The following SATB1 variants were observed in gnomAD, a reference collection of about 807,000 sequenced individuals.
SATB1 encodes SATB homeobox 1.
A neutral mutation model predicts 86.9 loss-of-function variants in SATB1; 11 were observed. The observed-to-expected ratio is 0.13, with a 90% CI of 0.08 to 0.21. SATB1 has a LOEUF of 0.21. Ranked by LOEUF, SATB1 falls within the 10% of genes least tolerant of loss-of-function variation. The probability of loss-of-function intolerance (pLI) is 1.00; values close to 1 mark genes in which losing one functional copy is unlikely to be tolerated. For synonymous variants in SATB1, 357 were observed against 357.2 expected, an observed-to-expected ratio of 1.00 and a Z score of 0.01; for missense variants, 551 against 937.6, an observed-to-expected ratio of 0.59 and a Z score of 5.39.
At position 18,415,098 on chromosome 3, in the gene SATB1, C is replaced by G. The variant is rs1698045698; in HGVS notation, c.639+13G>C. Reference sequence around the variant, plus strand: ...ATGATGTCTTATTATTTATTACATTCTATGCTAAGTACCTGTGAAAGGGGG... The same window carrying G: ...ATGATGTCTTATTATTTATTACATTGTATGCTAAGTACCTGTGAAAGGGGG... On this transcript the variant is annotated intron_variant, in intron 5 of 10. Coordinates refer to ENST00000338745, the MANE Select transcript of SATB1 (RefSeq NM_002971.6). 1 of 1,612,068 alleles carries G rather than the reference C, an allele frequency of 6.2e-7. No homozygotes were observed. The highest frequency in any genetic ancestry group is 8.5e-7 in the Non-Finnish European group (1 of 1,178,782).
At chr3:18,393,344 G>C (rs1257673873) in intron 7 of SATB1, among the ~76,000 whole-genome samples, 2 of 151,944 alleles carry the variant, frequency 1.3e-5, no homozygotes, top group Non-Finnish European at 2.9e-5. Context: ...TGGTTTTGTT[G>C]TTGTTTTTTG....
chr3:18,438,243 A>C (rs981859148), intron 1 of SATB1, among the ~76,000 whole-genome samples: 2 of 152,250 alleles, frequency 1.3e-5, no homozygotes, highest in African/African-American at 4.8e-5. Flanking sequence ...AATCTCTAGC[A>C]ATCAACTCTA....
At chr3:18,385,334 C>A (rs1208768913) in intron 8 of SATB1, among the ~76,000 whole-genome samples, 2 of 152,084 alleles carry the variant, frequency 1.3e-5, no homozygotes, top group Non-Finnish European at 2.9e-5. Context: ...TAAGAAAACA[C>A]ATTTGCAGCC....
At chr3:18,370,430 T>C (rs1695412265) in intron 9 of SATB1, among the ~76,000 whole-genome samples, 1 of 129,734 alleles carries the variant, frequency 7.7e-6, no homozygotes, top group South Asian at 2.5e-4. Context: ...AAATCTCCTC[T>C]AAACAAGGCA....
rs147099189 is a variant in SATB1 at position 18,392,240 on chromosome 3, A to G, written c.1206+2222T>C. Among the ~76,000 whole-genome samples the G allele has an allele frequency of 1.4e-4, 21 of 152,288 alleles. 1 individual carries two copies. The East Asian group carries it at 3.5e-3, about 25-fold the overall frequency. On this transcript the variant is annotated intron_variant, in intron 7 of 10. Coordinates refer to ENST00000338745, the MANE Select transcript of SATB1 (RefSeq NM_002971.6). ...TTTGATATTAACCACAGAGATGATTACCTTTTTCAAAGAGATTAATATGGT... is the reference window on the plus strand; with the variant it reads ...TTTGATATTAACCACAGAGATGATTGCCTTTTTCAAAGAGATTAATATGGT...
upstream of SATB1, among the ~76,000 whole-genome samples, chr3:18,442,235 T>C (rs996559357): frequency 1.1e-4 from 17 of 151,948 alleles, no homozygotes; most frequent in African/African-American, 3.9e-4. Context: ...GGGAAATCCC[T>C]ATTCGTTATT....
chr3:18,375,758 A>G (rs1695714201), intron 9 of SATB1, among the ~76,000 whole-genome samples: 1 of 152,162 alleles, frequency 6.6e-6, no homozygotes, highest in Admixed American at 6.6e-5. Flanking sequence ...TTAAGCAATC[A>G]TCAATCTTTC....
intron 1 of SATB1, chr3:18,445,123 C>A: frequency 1.3e-6 from 1 of 740,840 alleles, no homozygotes; most frequent in Non-Finnish European, 1.6e-6. Context: ...CGGCGGACCC[C>A]GCGTAGCCGC....
chr3:18,412,467 A>T (rs1697904736), intron 5 of SATB1, among the ~76,000 whole-genome samples: 1 of 152,078 alleles, frequency 6.6e-6, no homozygotes, highest in South Asian at 2.1e-4. Context: ...CCCTGTAGCC[A>T]TACTTGCTAC....
At chr3:18,351,544 C>T in intron 10 of SATB1, 1 of 639,720 alleles carries the variant, frequency 1.6e-6, no homozygotes, top group Non-Finnish European at 2.7e-6. Context: ...CCCTCCCCTC[C>T]TCTTTCTGGA....
rs1694060873 is a variant in SATB1, at chr3:18,346,454, A to C, written c.*2716T>G. 1 of 152,124 alleles carries C rather than the reference A, an allele frequency of 6.6e-6. No homozygotes were observed. The highest frequency in any genetic ancestry group is 1.5e-5 in the Non-Finnish European group (1 of 67,986). 9.4% of individuals were successfully genotyped at this position (152,124 alleles called of 1,614,324 possible). A position where few individuals can be genotyped will look rare whatever the true frequency, so the allele number is the denominator to read the frequency against. On this transcript the variant is annotated 3_prime_UTR_variant, in exon 11 of 11. Coordinates refer to ENST00000338745, the MANE Select transcript of SATB1 (RefSeq NM_002971.6). The stretch of plus-strand genomic sequence containing the variant: ...CACAGGTAACAAGAGGAGGATTGGC[A>C]TGAGCGATAAATGACATTGGGGGAG...
At position 18,407,757 on chromosome 3, in the gene SATB1, GA is replaced by G. The variant is rs375298323; in HGVS notation, c.639+7353del. Among the ~76,000 whole-genome samples the G allele has an allele frequency of 7.2e-4, 109 of 152,066 alleles. 4 individuals carry two copies. In the South Asian group the frequency reaches 0.022, roughly 31 times the overall value. On this transcript the variant is annotated intron_variant, in intron 5 of 10. Transcript: ENST00000338745. ...AAAAACACACAAAAAGTAACACAAT[GA>G]AGTTGCTGAAGAAATGCCATTACTC...
At chr3:18,418,564 C>T (rs1185335841) in intron 2 of SATB1, among the ~76,000 whole-genome samples, 1 of 152,124 alleles carries the variant, frequency 6.6e-6, no homozygotes, top group Non-Finnish European at 1.5e-5. Context: ...GAGAAAGAAC[C>T]CGTCGGGGAT....
At chr3:18,390,742 T>C (rs1398324208) in intron 7 of SATB1, among the ~76,000 whole-genome samples, 3 of 151,854 alleles carry the variant, frequency 2.0e-5, no homozygotes, top group Non-Finnish European at 4.4e-5. Context: ...AAATAAAGTG[T>C]GCCAAAAGAC....
At chr3:18,435,548 A>T (rs1699029143) in intron 2 of SATB1, among the ~76,000 whole-genome samples, 1 of 152,122 alleles carries the variant, frequency 6.6e-6, no homozygotes, top group South Asian at 2.1e-4. Context: ...CAAAGAACCC[A>T]CCAGGTGACC....
chr3:18,373,569 TCTTA>T (rs1223065875), intron 9 of SATB1, among the ~76,000 whole-genome samples: 1 of 152,186 alleles, frequency 6.6e-6, no homozygotes, highest in Non-Finnish European at 1.5e-5. Flanking sequence ...GCGACACGTG[TCTTA>T]CTTGCATTTA....
At chr3:18,389,957 T>G (rs1416024142) in intron 7 of SATB1, among the ~76,000 whole-genome samples, 4 of 152,162 alleles carry the variant, frequency 2.6e-5, no homozygotes, top group Non-Finnish European at 5.9e-5. Context: ...TGTCATTACA[T>G]AGCGGTTAAG....
chr3:18,378,137 T>C lies in SATB1; in HGVS notation c.1575+33A>G, dbSNP rs111652734. The C allele has an allele frequency of 9.0e-3, 13,781 of 1,529,508 alleles. 102 individuals carry two copies. The highest frequency in any genetic ancestry group is 0.014 in the Admixed American group (597 of 43,014). 94.7% of individuals were successfully genotyped at this position (1,529,508 alleles called of 1,614,324 possible). A position where few individuals can be genotyped will look rare whatever the true frequency, so the allele number is the denominator to read the frequency against. On this transcript the variant is annotated intron_variant, in intron 9 of 10. Transcript: ENST00000338745. ...ATGAAAATTCTACAGGCAACACAGA[T>C]AAACATTCTCAATGCCTAACAGAGG... is the stretch of plus-strand genomic sequence containing the variant.
At chr3:18,362,401 C>T (rs1005939550) in intron 9 of SATB1, among the ~76,000 whole-genome samples, 3 of 152,010 alleles carry the variant, frequency 2.0e-5, no homozygotes, top group South Asian at 2.1e-4. Flanking sequence ...CAAATTCAAG[C>T]GGCAGCAAAT....
Sources: allele counts gnomAD v4.1 joint callset (sites outside exome capture counted in the v4.1 genomes callset), GRCh38; gene constraint gnomAD v4.1.1; transcripts MANE v1.5; gene names NCBI Gene and HGNC (gene_info 2026-07-23, HGNC 2026-07-21).